The following ARHGAP15 variants were observed in gnomAD, a reference collection of about 807,000 sequenced individuals.
The protein encoded by ARHGAP15 is Rho GTPase activating protein 15.
ARHGAP15 carries 51 observed loss-of-function variants against 63.7 expected under a neutral mutation model. The ratio of observed to expected loss-of-function variants is 0.80; its 90% CI spans 0.64 to 1.01. ARHGAP15 has a LOEUF of 1.01. Ranked by LOEUF, ARHGAP15 falls within the 50% of genes least tolerant of loss-of-function variation. The pLI is 0.00. For synonymous variants in ARHGAP15, 191 were observed against 193.8 expected, an observed-to-expected ratio of 0.99 and a Z score of 0.12; for missense variants, 560 against 564.6, an observed-to-expected ratio of 0.99 and a Z score of 0.08.
intron 8 of ARHGAP15, among the ~76,000 whole-genome samples, chr2:143,447,090 G>C (rs1024062673): frequency 4.6e-5 from 7 of 152,038 alleles, no homozygotes; most frequent in African/African-American, 1.4e-4. Context: ...ATAAACATAC[G>C]TGTGCATGTG....
In ARHGAP15 at chr2:143,155,488, A is replaced by G. The variant is rs141361976; in HGVS notation, c.-3A>G. On this transcript the variant is annotated 5_prime_UTR_variant, in exon 2 of 14. In the 5' UTR this introduces an upstream ATG that the reference lacks. Coordinates refer to ENST00000295095, the MANE Select transcript of ARHGAP15 (RefSeq NM_018460.4). ...TTATATTTTATCAGGATAGCACTAT[A>G]ATATGCAGAAATCTACAAATTCTGA... The G allele has an allele frequency of 6.2e-7, 1 of 1,603,968 alleles. No individual in the cohort carries two copies. The highest frequency in any genetic ancestry group is 8.5e-7 in the Non-Finnish European group (1 of 1,176,224).
At chr2:143,592,513 T>C (rs987814120) in intron 11 of ARHGAP15, among the ~76,000 whole-genome samples, 10 of 152,192 alleles carry the variant, frequency 6.6e-5, no homozygotes, top group African/African-American at 1.9e-4. Context: ...ATTCCATGCA[T>C]GTGAAAGAGA....
intron 13 of ARHGAP15, among the ~76,000 whole-genome samples, chr2:143,755,831 T>TA (rs1686555675): frequency 6.6e-6 from 1 of 152,086 alleles, no homozygotes; most frequent in East Asian, 1.9e-4. Flanking sequence ...CTGGGTGTGG[T>TA]AGCGGGTGCC....
intron 13 of ARHGAP15, among the ~76,000 whole-genome samples, chr2:143,753,973 C>T (rs1396884513): frequency 6.6e-6 from 1 of 152,180 alleles, no homozygotes; most frequent in East Asian, 1.9e-4. Context: ...CTAGTCTCCT[C>T]CACAGATCTA....
chr2:143,435,792 T>C, intron 7 of ARHGAP15, 93 bp downstream of exon 7: 1 of 1,272,584 alleles, frequency 7.9e-7, no homozygotes, highest in Non-Finnish European at 1.1e-6. Context: ...CTCATTTAAA[T>C]AGATCCTATG....
intron 6 of ARHGAP15, among the ~76,000 whole-genome samples, chr2:143,295,177 A>T (rs879754379): frequency 6.6e-6 from 1 of 152,070 alleles, no homozygotes; most frequent in Non-Finnish European, 1.5e-5. Context: ...TCCATCAAAG[A>T]TAGAAAAATG....
intron 9 of ARHGAP15, among the ~76,000 whole-genome samples, chr2:143,510,366 A>G (rs1419650760): frequency 1.3e-5 from 2 of 152,190 alleles, no homozygotes; most frequent in Non-Finnish European, 2.9e-5. Flanking sequence ...ATCCTGATCA[A>G]TGAAGCATCA....
intron 9 of ARHGAP15, 119 bp from the exon 10 acceptor site, chr2:143,519,147 A>T (rs1693949464): frequency 4.0e-6 from 2 of 504,776 alleles, no homozygotes; most frequent in East Asian, 9.5e-5. Flanking sequence ...GAAATAAAGC[A>T]AAAAAAAAAT....
intron 12 of ARHGAP15, among the ~76,000 whole-genome samples, chr2:143,642,951 T>C (rs1474405483): frequency 1.3e-5 from 2 of 152,124 alleles, no homozygotes; most frequent in East Asian, 3.9e-4. Context: ...TCCAGTATTG[T>C]GAATCCCTGA....
At chr2:143,561,070 G>A (rs943746841) in intron 11 of ARHGAP15, among the ~76,000 whole-genome samples, 2 of 152,268 alleles carry the variant, frequency 1.3e-5, no homozygotes, top group South Asian at 2.1e-4. Context: ...CTTGCATGGG[G>A]GGTACTTTGC....
chr2:143,169,983 T>C (rs1172495956), intron 2 of ARHGAP15, among the ~76,000 whole-genome samples: 1 of 151,916 alleles, frequency 6.6e-6, no homozygotes, highest in Non-Finnish European at 1.5e-5. Flanking sequence ...TTGTAGAAAA[T>C]TGCTATTATC....
chr2:143,611,338 A>G lies in ARHGAP15; in HGVS notation c.1004-12795A>G, dbSNP rs568398590. Among the ~76,000 whole-genome samples, 3 of 152,276 alleles carry G rather than the reference A, an allele frequency of 2.0e-5. No homozygotes were observed. The East Asian group carries it at 5.8e-4, about 29-fold the overall frequency. On this transcript the variant is annotated intron_variant, in intron 11 of 13. Transcript: ENST00000295095. The stretch of plus-strand genomic sequence containing the variant: ...CCCTTATTGTTTTAGGTGGTTTTGC[A>G]AAATAATTTGTGAGATAAATCAGGG...
At chr2:143,611,996 C>T (rs193043278) in intron 11 of ARHGAP15, among the ~76,000 whole-genome samples, 1 of 152,240 alleles carries the variant, frequency 6.6e-6, no homozygotes, top group East Asian at 1.9e-4. Flanking sequence ...AACTAATTTG[C>T]ATATTCCTAC....
At chr2:143,275,564 A>G (rs977680071) in intron 6 of ARHGAP15, among the ~76,000 whole-genome samples, 8 of 152,200 alleles carry the variant, frequency 5.3e-5, no homozygotes, top group Non-Finnish European at 1.0e-4. Context: ...ATGTGAGATT[A>G]TTCTCATTAC....
intron 11 of ARHGAP15, among the ~76,000 whole-genome samples, chr2:143,560,662 A>G (rs1695981800): frequency 6.6e-6 from 1 of 152,230 alleles, no homozygotes; most frequent in Non-Finnish European, 1.5e-5. Context: ...GTAACTGATG[A>G]GTACTACCGT....
chr2:143,534,900 A>C (rs1027413873), intron 10 of ARHGAP15, among the ~76,000 whole-genome samples: 1 of 152,100 alleles, frequency 6.6e-6, no homozygotes, highest in African/African-American at 2.4e-5. Flanking sequence ...ATAAAAAACA[A>C]AACAAAAAAA....
At chr2:143,236,998 G>A (rs1267500589) in intron 5 of ARHGAP15, 1 of 152,102 alleles carries the variant, frequency 6.6e-6, no homozygotes, top group Non-Finnish European at 1.5e-5. Context: ...AGTGTAATTT[G>A]GTTAGAAAGT....
chr2:143,405,540 C>T (rs1574401871), intron 6 of ARHGAP15, among the ~76,000 whole-genome samples: 8 of 151,832 alleles, frequency 5.3e-5, no homozygotes. Context: ...GTCAAGTTGA[C>T]TATATATTTT....
chr2:143,602,234 C>T lies in ARHGAP15; in HGVS notation c.1004-21899C>T, dbSNP rs150553518. On this transcript the variant is annotated intron_variant, in intron 11 of 13. Transcript: ENST00000295095. ...AGCTTTCTAACTGGACAGGAAAAGG[C>T]AGAACTATCAAAAAGTTGAAAAAGA... is the stretch of plus-strand genomic sequence containing the variant. 9.8e-3 allele frequency among the ~76,000 whole-genome samples: 1,491 copies of T among 152,116 alleles called. 9 individuals carry two copies. The highest frequency in any genetic ancestry group is 0.034 in the Middle Eastern group (10 of 294).
Sources: gnomAD v4.1 joint callset for allele counts (sites outside exome capture counted in the v4.1 genomes callset) on GRCh38, gnomAD v4.1.1 for gene constraint, MANE v1.5 for transcripts, NCBI Gene and HGNC (gene_info 2026-07-23, HGNC 2026-07-21) for gene names.